Variants in TRHDE observed in about 807,000 individuals in gnomAD.
The protein encoded by TRHDE is thyrotropin-releasing hormone-degrading ectoenzyme.
Under a neutral mutation model 125.7 loss-of-function variants are expected in TRHDE, and 72 were observed. The ratio of observed to expected loss-of-function variants is 0.57; its 90% confidence interval spans 0.47 to 0.70. The LOEUF is 0.70. Among genes scored for constraint, TRHDE ranks in the 30% least tolerant of loss-of-function variants. The probability of loss-of-function intolerance (pLI) is 0.00; values close to 1 mark genes in which losing one functional copy is unlikely to be tolerated. For synonymous variants in TRHDE, 509 were observed against 509.1 expected (o/e 1.00, Z 0.00); for missense variants, 1,110 against 1,327.1 (o/e 0.84, Z 2.54).
intron 3 of TRHDE, among the ~76,000 whole-genome samples, chr12:72,434,316 C>T (rs1404198474): frequency 1.4e-5 from 2 of 146,534 alleles, no homozygotes; most frequent in African/African-American, 5.1e-5. Context: ...CCCCGGGAGG[C>T]AGAGGTTGCA....
intron 2 of TRHDE, among the ~76,000 whole-genome samples, chr12:72,212,188 A>G (rs1348174504): frequency 6.6e-6 from 1 of 151,988 alleles, no homozygotes; most frequent in Non-Finnish European, 1.5e-5. Flanking sequence ...ACATGTATTC[A>G]TTGGCTTAGA....
chr12:72,633,232 G>A (rs766452061), intron 15 of TRHDE, among the ~76,000 whole-genome samples: 4 of 151,986 alleles, frequency 2.6e-5, no homozygotes, highest in Non-Finnish European at 5.9e-5. Flanking sequence ...AGGCTGTTAA[G>A]AGTTAAGATC....
intron 2 of TRHDE, among the ~76,000 whole-genome samples, chr12:72,200,654 T>C (rs370339013): frequency 1.1e-4 from 16 of 152,140 alleles, no homozygotes; most frequent in African/African-American, 3.6e-4. Context: ...AAAAAACTTT[T>C]AGGGTTCAGG....
intron 2 of TRHDE, among the ~76,000 whole-genome samples, chr12:72,224,623 C>T (rs1417120916): frequency 6.6e-6 from 1 of 152,016 alleles, no homozygotes; most frequent in Non-Finnish European, 1.5e-5. Context: ...GTGGGGTTCT[C>T]TGCAGGTTTT....
At chr12:72,646,564 C>T (rs1238646431) in intron 15 of TRHDE, among the ~76,000 whole-genome samples, 1 of 151,990 alleles carries the variant, frequency 6.6e-6, no homozygotes, top group Admixed American at 6.6e-5. Context: ...AAAGCAAGAC[C>T]TACATGCACA....
At chr12:72,106,938 G>A (rs1233632805) in intron 2 of TRHDE, among the ~76,000 whole-genome samples, 3 of 152,012 alleles carry the variant, frequency 2.0e-5, no homozygotes, top group African/African-American at 7.2e-5. Context: ...AATAACAGAT[G>A]ATGAATCTGA....
chr12:72,603,351 C>T (rs142255608), intron 12 of TRHDE, among the ~76,000 whole-genome samples: 3 of 151,860 alleles, frequency 2.0e-5, no homozygotes, highest in East Asian at 3.9e-4. Context: ...TTGGTGTGCT[C>T]GTGTGTCTGT....
At chr12:72,598,415 G>A (rs1282713491) in intron 12 of TRHDE, among the ~76,000 whole-genome samples, 1 of 152,128 alleles carries the variant, frequency 6.6e-6, no homozygotes, top group Admixed American at 6.6e-5. Flanking sequence ...AGCAAACTGG[G>A]AATTTAAATG....
At chr12:72,378,994 G>C (rs1872023471) in intron 3 of TRHDE, among the ~76,000 whole-genome samples, 1 of 152,072 alleles carries the variant, frequency 6.6e-6, no homozygotes, top group Admixed American at 6.6e-5. Context: ...ACAGTCCTTT[G>C]CTCCCCTCTC....
At chr12:72,291,148 T>C (rs1880073965) in intron 2 of TRHDE, among the ~76,000 whole-genome samples, 1 of 152,356 alleles carries the variant, frequency 6.6e-6, no homozygotes, top group African/African-American at 2.4e-5. Flanking sequence ...GGTTCAGGCA[T>C]AGAAGAGATC....
chr12:72,451,802 T>C (rs1875587088), intron 3 of TRHDE, among the ~76,000 whole-genome samples: 1 of 152,140 alleles, frequency 6.6e-6, no homozygotes, highest in African/African-American at 2.4e-5. Flanking sequence ...TTGTGTCTTT[T>C]TCTTTTCTTT....
At chr12:72,552,163 A>G (rs1282390143) in intron 7 of TRHDE, among the ~76,000 whole-genome samples, 1 of 152,154 alleles carries the variant, frequency 6.6e-6, no homozygotes, top group Non-Finnish European at 1.5e-5. Context: ...GGCTCTATTT[A>G]CATACAGAAC....
intron 1 of TRHDE, among the ~76,000 whole-genome samples, chr12:72,102,838 G>A (rs1360801553): frequency 6.6e-6 from 1 of 152,216 alleles, no homozygotes; most frequent in African/African-American, 2.4e-5. Flanking sequence ...TGTTGCCCCA[G>A]TTGGTGGGAG....
At chr12:72,149,623 T>A (rs79400232) in intron 2 of TRHDE, among the ~76,000 whole-genome samples, 10,962 of 151,364 alleles carry the variant, frequency 0.072, 656 homozygotes, top group African/African-American at 0.16. Flanking sequence ...ATAGCTAAAT[T>A]AATAATACAT....
chr12:72,315,482 A>G (rs528010905), intron 2 of TRHDE, among the ~76,000 whole-genome samples: 1 of 152,216 alleles, frequency 6.6e-6, no homozygotes, highest in South Asian at 2.1e-4. Context: ...GCATCTAGTT[A>G]TGCATAGCTC....
At chr12:72,216,589 A>G (rs965679272) in intron 2 of TRHDE, among the ~76,000 whole-genome samples, 4 of 152,194 alleles carry the variant, frequency 2.6e-5, no homozygotes, top group Admixed American at 6.5e-5. Flanking sequence ...CCTGTAAAAT[A>G]TGCACCTTAA....
At chr12:72,527,264 A>G (rs1253260068) in intron 6 of TRHDE, among the ~76,000 whole-genome samples, 1 of 152,178 alleles carries the variant, frequency 6.6e-6, no homozygotes, top group East Asian at 1.9e-4. Flanking sequence ...AAATTCTCAA[A>G]TAAGACAGAT....
intron 2 of TRHDE, among the ~76,000 whole-genome samples, chr12:72,300,966 CCCT>C (rs1300271438): frequency 6.6e-6 from 1 of 152,012 alleles, no homozygotes; most frequent in Non-Finnish European, 1.5e-5. Context: ...GCATTCTTTC[CCCT>C]CCTCTCTTAC....
At chr12:72,277,522 A>G (rs1879530780) in intron 1 of TRHDE, among the ~76,000 whole-genome samples, 1 of 152,160 alleles carries the variant, frequency 6.6e-6, no homozygotes, top group African/African-American at 2.4e-5. Context: ...ATCTTTGAGA[A>G]CCATTTGTTT....
Sources: allele counts gnomAD v4.1 joint callset (sites outside exome capture counted in the v4.1 genomes callset), GRCh38; gene constraint gnomAD v4.1.1; transcripts MANE v1.5; gene names NCBI Gene and HGNC (gene_info 2026-07-23, HGNC 2026-07-21).